Variants in H1-8 observed in about 807,000 individuals in gnomAD.
The protein encoded by H1-8 is H1.8 linker histone.
A neutral mutation model predicts 19.5 loss-of-function variants in H1-8; 13 were observed. That is an observed-to-expected ratio of 0.67 (90% CI 0.43 to 1.06). The LOEUF (loss-of-function observed/expected upper bound fraction) is 1.06, where lower values mean the gene tolerates loss of function less well. H1-8 is among the 50% of genes least tolerant of loss of function. The pLI, the probability that H1-8 is intolerant of heterozygous loss-of-function variation, is 0.00. For synonymous variants in H1-8, 193 were observed against 187.6 expected (o/e 1.03, Z -0.24); for missense variants, 432 against 459.8 (o/e 0.94, Z 0.55).
chr3:129,543,383 T>C, intron 1 of H1-8, 77 bp downstream of exon 1: 1 of 1,050,920 alleles, frequency 9.5e-7, no homozygotes, highest in Non-Finnish European at 1.4e-6. Flanking sequence ...CCACCCCTGC[T>C]TCTCGTTCTT....
chr3:129,545,569 C>T (rs2084881017), intron 1 of H1-8, among the ~76,000 whole-genome samples: 1 of 152,156 alleles, frequency 6.6e-6, no homozygotes, highest in African/African-American at 2.4e-5. Context: ...TCAAGAAAAC[C>T]AGTACCCATT....
At chr3:129,547,823 C>T (rs571486440) in intron 2 of H1-8, 143 bp downstream of exon 2, 2 of 771,688 alleles carry the variant, frequency 2.6e-6, no homozygotes, top group Non-Finnish European at 4.0e-6. Context: ...GATGCCCTCT[C>T]CTCTAGGAAG....
intron 1 of H1-8, among the ~76,000 whole-genome samples, 191 bp from the exon 2 acceptor site, chr3:129,547,200 A>G (rs532690372): frequency 6.6e-6 from 1 of 152,176 alleles, no homozygotes; most frequent in East Asian, 1.9e-4. Flanking sequence ...TGTCTCAAAG[A>G]AAAAAAGAGA....
chr3:129,547,657 A>T lies in H1-8; in HGVS notation c.355A>T (p.Arg119Trp). 6.5e-7 allele frequency: 1 copy of T among 1,544,310 alleles called. No individual in the cohort carries two copies. The highest frequency in any genetic ancestry group is 8.7e-7 in the Non-Finnish European group (1 of 1,146,570). ...LLARPLNSKA[R>W]GATGSFKLVP... ...CGCCAGGCCCCTCAACTCCAAAGCC[A>T]GGGGGGCCACTGGCAGCTTCAAAGT... The change falls in exon 2 of 5, where the codon AGG becomes TGG. Residue 119 changes from arginine (R) to tryptophan (W), a missense_variant. Coordinates refer to ENST00000324382, the MANE Select transcript of H1-8 (RefSeq NM_153833.3).
In H1-8 at chr3:129,544,939, A is replaced by G. The variant is rs79034324; in HGVS notation, c.88+1633A>G. ...TTGGCCCCCAAATGAATATTCCCACACTGGGCTCGTCATGGCCAGGACCCA... is the reference window on the plus strand; with the variant it reads ...TTGGCCCCCAAATGAATATTCCCACGCTGGGCTCGTCATGGCCAGGACCCA... On this transcript the variant is annotated intron_variant, in intron 1 of 4. Transcript: ENST00000324382. 1.6e-4 allele frequency among the ~76,000 whole-genome samples: 24 copies of G among 151,752 alleles called. No homozygotes were observed. In the East Asian group the frequency reaches 4.7e-3, roughly 29 times the overall value.
intron 2 of H1-8, 103 bp from the exon 3 acceptor site, chr3:129,548,898 C>G (rs1560052081): frequency 6.9e-7 from 1 of 1,440,848 alleles, no homozygotes; most frequent in East Asian, 2.4e-5. Context: ...CCTGTGGAGC[C>G]CCCCTGTTTG....
chr3:129,544,110 C>T (rs2084870811), intron 1 of H1-8, among the ~76,000 whole-genome samples: 1 of 152,042 alleles, frequency 6.6e-6, no homozygotes, highest in South Asian at 2.1e-4. Flanking sequence ...CCTGCATGAC[C>T]GGGAGGAGAG....
At chr3:129,544,525 C>T (rs953359531) in intron 1 of H1-8, among the ~76,000 whole-genome samples, 2 of 147,964 alleles carry the variant, frequency 1.4e-5, no homozygotes, top group Non-Finnish European at 3.0e-5. Context: ...TAGGTATGGG[C>T]AGTGGGGGCA....
intron 3 of H1-8, among the ~76,000 whole-genome samples, chr3:129,550,209 T>A (rs1014028595): frequency 3.3e-5 from 5 of 151,998 alleles, no homozygotes; most frequent in Non-Finnish European, 5.9e-5. Context: ...TAGAGACCAA[T>A]CTGGGCAAGA....
intron 1 of H1-8, 99 bp downstream of exon 1, chr3:129,543,405 C>CCCCAGGACCTA: frequency 1.2e-6 from 1 of 848,206 alleles, no homozygotes; most frequent in South Asian, 1.5e-5. Flanking sequence ...CCCAGCCTGG[C>CCCCAGGACCTA]CCCAGCACCT....
Position 129,547,471 on chromosome 3 carries a change from C to T in H1-8, c.169C>T (p.Arg57Cys), listed in dbSNP as rs1039574342. 4.5e-6 allele frequency: 7 copies of T among 1,552,606 alleles called. No individual in the cohort carries two copies. Among genetic ancestry groups the T allele is most frequent in the East Asian group, 4.9e-5 (2 of 41,164 alleles). Residue 57 changes from arginine (R) to cysteine (C), a missense_variant, in exon 2 of 5, where the codon CGC (arginine) becomes TGC (cysteine). Coordinates refer to ENST00000324382, the MANE Select transcript of H1-8 (RefSeq NM_153833.3). ...GGGACGCCGCCACCCCCCGGTGCTACGCATGGTGCTGGAGGCGCTGCAGGC... is the reference window on the plus strand; with the variant it reads ...GGGACGCCGCCACCCCCCGGTGCTATGCATGGTGCTGGAGGCGCTGCAGGC... ...PVGRRHPPVL[R>C]MVLEALQAGE...
Position 129,549,317 on chromosome 3 carries a change from G to A in H1-8, c.695G>A (p.Gly232Asp). Residue 232 changes from glycine to aspartate, a missense_variant, in exon 3 of 5, where the codon GGT (glycine) becomes GAT (aspartate). By Grantham distance (94) the Gly-to-Asp change is moderately conservative (BLOSUM62 -1). Transcript: ENST00000324382. ...GCCATGCGGGCACCTTCCAGTGCTG[G>A]TGGGCTCAGCAGGAAGGCAAAGGCC... ...DKAMRAPSSA[G>D]GLSRKAKAKG... 2 of 1,608,700 alleles carry A rather than the reference G, an allele frequency of 1.2e-6. No homozygotes were observed. The highest frequency in any genetic ancestry group is 1.7e-6 in the Non-Finnish European group (2 of 1,178,462).
At chr3:129,546,122 CAATAATAATAATAATAAT>C (rs56301839) in intron 1 of H1-8, among the ~76,000 whole-genome samples, 3 of 139,226 alleles carry the variant, frequency 2.2e-5, no homozygotes, top group African/African-American at 8.3e-5. Context: ...ATAACAATAA[CAATAATAATAATAATAAT>C]AATAATAATA....
chr3:129,550,914 C>T, intron 4 of H1-8, 105 bp downstream of exon 4: 1 of 1,116,842 alleles, frequency 9.0e-7, no homozygotes, highest in Admixed American at 2.1e-5. Context: ...GGATGGGGCT[C>T]AATTTCTTTT....
In H1-8 at chr3:129,547,690, C is replaced by A; in HGVS notation, c.378+10C>A. 6.5e-7 allele frequency: 1 copy of A among 1,533,428 alleles called. No individual in the cohort carries two copies. The highest frequency in any genetic ancestry group is 1.2e-5 in the South Asian group (1 of 83,292). 95.0% of individuals were successfully genotyped at this position (1,533,428 alleles called of 1,614,324 possible). A position where few individuals can be genotyped will look rare whatever the true frequency, so the allele number is the denominator to read the frequency against. On this transcript the variant is annotated intron_variant, in intron 2 of 4. Coordinates refer to ENST00000324382, the MANE Select transcript of H1-8 (RefSeq NM_153833.3). ...CACTGGCAGCTTCAAAGTAAGCGCC[C>A]CTGAGGGAGGACATAGCCCAGGGTT...
chr3:129,549,759 A>G (rs184748011), intron 3 of H1-8, among the ~76,000 whole-genome samples: 63 of 152,080 alleles, frequency 4.1e-4, no homozygotes, highest in Non-Finnish European at 6.5e-4. Flanking sequence ...TTTGAGACCA[A>G]CCTGGTCAAC....
chr3:129,545,880 G>A (rs929201570), intron 1 of H1-8, among the ~76,000 whole-genome samples: 2 of 152,140 alleles, frequency 1.3e-5, no homozygotes, highest in African/African-American at 4.8e-5. Context: ...GACATGAATA[G>A]TGCTGCTATG....
Position 129,547,401 on chromosome 3 carries a change from C to T in H1-8, c.99C>T (p.His33=), listed in dbSNP as rs1488174520. The T allele has an allele frequency of 6.8e-6, 10 of 1,472,186 alleles. No homozygotes were observed. The highest frequency in any genetic ancestry group is 2.9e-5 in the African/African-American group (2 of 68,776). 91.2% of individuals were successfully genotyped at this position (1,472,186 alleles called of 1,614,324 possible). The change falls in exon 2 of 5, where the codon CAC becomes CAT. Residue 33 remains histidine (H), a synonymous_variant. Coordinates refer to ENST00000324382, the MANE Select transcript of H1-8 (RefSeq NM_153833.3). ...SPESEKPGPS[H]GGVPPGGPSH... ...GCCATCTCTCCTCAGGCCCGAGCCA[C>T]GGCGGTGTCCCACCAGGAGGCCCGA...
Position 129,551,089 on chromosome 3 carries a change from T to C in H1-8, c.808-18T>C. 1.2e-6 allele frequency: 2 copies of C among 1,602,154 alleles called. No individual in the cohort carries two copies. The highest frequency in any genetic ancestry group is 1.7e-6 in the Non-Finnish European group (2 of 1,173,314). On this transcript the variant is annotated intron_variant, in intron 4 of 4. Transcript: ENST00000324382. ...CCCTTCCCAGCTGTCTCTTTGCTCC[T>C]GGTTTGCTTTCGTATAGGTCAAGAA...
Sources: gnomAD v4.1 joint callset for allele counts (sites outside exome capture counted in the v4.1 genomes callset) on GRCh38, gnomAD v4.1.1 for gene constraint, MANE v1.5 for transcripts, NCBI Gene and HGNC (gene_info 2026-07-23, HGNC 2026-07-21) for gene names.